Variants in KCNH8 observed in about 807,000 individuals in gnomAD.
KCNH8 encodes potassium voltage-gated channel subfamily H member 8.
In KCNH8, 70 loss-of-function variants were observed where a neutral mutation model predicts 103.6. The observed-to-expected ratio is 0.68, with a 90% confidence interval of 0.56 to 0.82. The LOEUF is 0.82. Ranked by LOEUF, KCNH8 falls within the 40% of genes least tolerant of loss-of-function variation. KCNH8 has a pLI of 0.00. For missense variants in KCNH8, 1,217 were observed against 1,329.9 expected, an observed-to-expected ratio of 0.92 and a Z score of 1.32; for synonymous variants, 498 against 489.4, an observed-to-expected ratio of 1.02 and a Z score of -0.23.
intron 1 of KCNH8, among the ~76,000 whole-genome samples, chr3:19,224,577 T>G (rs1019106342): frequency 3.3e-5 from 5 of 151,104 alleles, no homozygotes; most frequent in Non-Finnish European, 7.4e-5. Flanking sequence ...TTTTTTTTTT[T>G]TGAGAGAGGC....
intron 7 of KCNH8, among the ~76,000 whole-genome samples, chr3:19,400,564 C>T (rs1314495342): frequency 6.6e-6 from 1 of 151,924 alleles, no homozygotes; most frequent in Non-Finnish European, 1.5e-5. Flanking sequence ...TTATCTCTTA[C>T]CCTTTGGCTG....
chr3:19,171,470 A>AT (rs1278907773), intron 1 of KCNH8, among the ~76,000 whole-genome samples: 2 of 151,990 alleles, frequency 1.3e-5, no homozygotes, highest in Non-Finnish European at 2.9e-5. Flanking sequence ...CTTACAATCC[A>AT]TTTTTTCAAG....
At chr3:19,533,335 A>C in intron 15 of KCNH8, 60 bp from the exon 16 acceptor site, 2 of 998,058 alleles carry the variant, frequency 2.0e-6, no homozygotes, top group Non-Finnish European at 3.2e-6. Context: ...CATTTCTCTG[A>C]AATGTGGTCA....
chr3:19,300,958 T>A (rs1169033361), intron 3 of KCNH8, among the ~76,000 whole-genome samples: 1 of 151,898 alleles, frequency 6.6e-6, no homozygotes, highest in Non-Finnish European at 1.5e-5. Flanking sequence ...CTGAAATGCT[T>A]TAGGGATAAA....
At chr3:19,414,307 T>C (rs1470832892) in intron 7 of KCNH8, among the ~76,000 whole-genome samples, 1 of 152,012 alleles carries the variant, frequency 6.6e-6, no homozygotes, top group African/African-American at 2.4e-5. Context: ...AGTAGGAAAA[T>C]ATAGTTATAA....
intron 3 of KCNH8, among the ~76,000 whole-genome samples, chr3:19,331,285 A>ATTTATTG (rs1336581702): frequency 5.7e-5 from 8 of 139,784 alleles, no homozygotes; most frequent in African/African-American, 2.1e-4. Flanking sequence ...TTATTTATTT[A>ATTTATTG]TTGTTGTTAT....
In KCNH8 at chr3:19,438,293, G is replaced by T. The variant is rs1197630805; in HGVS notation, c.1307G>T (p.Gly436Val). The change falls in exon 8 of 16, where the codon GGT becomes GTT. Residue 436 changes from glycine (G) to valine (V), a missense_variant. Physicochemically the swap from Gly to Val is moderately radical, Grantham distance 109. Coordinates refer to ENST00000328405, the MANE Select transcript of KCNH8 (RefSeq NM_144633.3). ...ACGCTGAGCAGCCTCACCAGCGTGG[G>T]TTTTGGGAACGTCTCTGCTAATACA... ...YFTLSSLTSV[G>V]FGNVSANTDA... 1 of 1,614,054 alleles carries T rather than the reference G, an allele frequency of 6.2e-7. No individual in the cohort carries two copies. Among genetic ancestry groups the T allele is most frequent in the Non-Finnish European group, 8.5e-7 (1 of 1,180,004 alleles).
intron 5 of KCNH8, among the ~76,000 whole-genome samples, chr3:19,364,116 T>C (rs1399800138): frequency 1.3e-5 from 2 of 152,070 alleles, no homozygotes; most frequent in Non-Finnish European, 2.9e-5. Flanking sequence ...ATCTCATTTT[T>C]CCTCCTCCCC....
chr3:19,189,973 T>G (rs1045534817), intron 1 of KCNH8, among the ~76,000 whole-genome samples: 1 of 151,982 alleles, frequency 6.6e-6, no homozygotes, highest in Non-Finnish European at 1.5e-5. Context: ...TTGATACATT[T>G]GGTAAAGGTT....
chr3:19,350,041 G>A (rs2065778988), intron 5 of KCNH8, among the ~76,000 whole-genome samples: 1 of 152,060 alleles, frequency 6.6e-6, no homozygotes, highest in South Asian at 2.1e-4. Flanking sequence ...ATTTTTATAA[G>A]CAGTAAAAAC....
chr3:19,166,782 A>T (rs35716328), intron 1 of KCNH8, among the ~76,000 whole-genome samples: 376 of 152,370 alleles, frequency 2.5e-3, no homozygotes, highest in Non-Finnish European at 4.2e-3. Flanking sequence ...ACTATAAAGC[A>T]GCAGGGATAT....
At chr3:19,220,529 A>T (rs948500667) in intron 1 of KCNH8, among the ~76,000 whole-genome samples, 3 of 152,220 alleles carry the variant, frequency 2.0e-5, no homozygotes, top group Non-Finnish European at 4.4e-5. Context: ...CAATGCATCT[A>T]AAATGAATGA....
At position 19,347,791 on chromosome 3, in the gene KCNH8, A is replaced by C; in HGVS notation, c.637A>C (p.Ile213Leu). 6.2e-7 allele frequency: 1 copy of C among 1,613,220 alleles called. No individual in the cohort carries two copies. Among genetic ancestry groups the C allele is most frequent in the South Asian group, 1.1e-5 (1 of 91,058 alleles). Reference protein sequence around the residue: ...KVSDAKKSKFILLHFSTFKAG... With the variant: ...KVSDAKKSKFLLLHFSTFKAG... Reference sequence around the variant, plus strand: ...TTCTGATGCAAAAAAGTCCAAATTCATACTTCTGCATTTTAGCACTTTTAA... The same window carrying C: ...TTCTGATGCAAAAAAGTCCAAATTCCTACTTCTGCATTTTAGCACTTTTAA... The change falls in exon 5 of 16, where the codon ATA (isoleucine) becomes CTA (leucine). Residue 213 changes from isoleucine (I) to leucine (L), a missense_variant. This residue lies in a region of KCNH8 where 244 missense variants were observed against 256.8 expected (regional missense o/e 0.95). Transcript: ENST00000328405.
At chr3:19,258,722 G>C (rs973385681) in intron 2 of KCNH8, among the ~76,000 whole-genome samples, 3 of 151,662 alleles carry the variant, frequency 2.0e-5, no homozygotes, top group Non-Finnish European at 4.4e-5. Flanking sequence ...CACAGCACTT[G>C]TTGGTCTGAT....
chr3:19,298,003 C>G (rs2065017163), intron 3 of KCNH8, among the ~76,000 whole-genome samples: 1 of 152,104 alleles, frequency 6.6e-6, no homozygotes, highest in African/African-American at 2.4e-5. Context: ...TGGTGTCTCT[C>G]CATGGTGACT....
chr3:19,212,745 T>C (rs889913973), intron 1 of KCNH8, among the ~76,000 whole-genome samples: 4 of 152,210 alleles, frequency 2.6e-5, no homozygotes, highest in African/African-American at 9.6e-5. Flanking sequence ...AGGATTTGCC[T>C]TTGTCAGACT....
intron 5 of KCNH8, among the ~76,000 whole-genome samples, chr3:19,374,849 C>G (rs2066165751): frequency 3.3e-5 from 5 of 152,054 alleles, no homozygotes; most frequent in Admixed American, 3.3e-4. Context: ...TATTTTATTT[C>G]TCCCTTCACT....
intron 7 of KCNH8, among the ~76,000 whole-genome samples, chr3:19,400,789 T>C (rs10510488): frequency 0.26 from 39,050 of 151,770 alleles, 5,440 homozygotes; most frequent in Middle Eastern, 0.35. Flanking sequence ...ATTAACTACT[T>C]AGCATTTACA....
intron 1 of KCNH8, among the ~76,000 whole-genome samples, chr3:19,172,566 C>T (rs908882424): frequency 6.6e-6 from 1 of 152,198 alleles, no homozygotes; most frequent in Non-Finnish European, 1.5e-5. Context: ...GTCATCATCT[C>T]ACCTCCCATT....
Sources: allele counts gnomAD v4.1 joint callset (sites outside exome capture counted in the v4.1 genomes callset), GRCh38; gene constraint gnomAD v4.1.1; regional missense constraint gnomAD v4.1.1; transcripts MANE v1.5; gene names NCBI Gene and HGNC (gene_info 2026-07-23, HGNC 2026-07-21).